Variants in SLC14A2 observed in about 807,000 individuals in gnomAD.
SLC14A2 encodes the protein solute carrier family 14 member 2.
SLC14A2 carries 91 observed loss-of-function variants against 104.6 expected under a neutral mutation model. The ratio of observed to expected loss-of-function variants is 0.87; its 90% CI spans 0.73 to 1.04. The LOEUF (loss-of-function observed/expected upper bound fraction) is 1.04, where lower values mean the gene tolerates loss of function less well. SLC14A2 is among the 50% of genes least tolerant of loss of function. The pLI is 0.00. For missense variants in SLC14A2, 1,189 were observed against 1,156.0 expected (o/e 1.03, Z -0.41); for synonymous variants, 476 against 466.4 (o/e 1.02, Z -0.27).
At chr18:45,635,684 A>G (rs2045407617) in intron 5 of SLC14A2, among the ~76,000 whole-genome samples, 1 of 152,250 alleles carries the variant, frequency 6.6e-6, no homozygotes, top group African/African-American at 2.4e-5. Context: ...GAAGGGGAGC[A>G]GAGAAACGGA....
intron 10 of SLC14A2, chr18:45,647,671 G>A (rs992191664): frequency 1.3e-5 from 2 of 152,134 alleles, no homozygotes; most frequent in Non-Finnish European, 2.9e-5. Context: ...TAGAATAAAG[G>A]AGTCTACATT....
At chr18:45,209,990 G>A (rs890806697), upstream of SLC14A2, among the ~76,000 whole-genome samples, 2 of 152,196 alleles carry the variant, frequency 1.3e-5, no homozygotes, top group East Asian at 3.8e-4. Flanking sequence ...CAAATGGGAT[G>A]GAGAAAGCCC....
chr18:45,626,821 C>A, intron 3 of SLC14A2, 137 bp from the exon 4 acceptor site: 2 of 439,268 alleles, frequency 4.6e-6, no homozygotes, highest in Non-Finnish European at 8.3e-6. Flanking sequence ...CACCCCTCCA[C>A]CCCGACCCCT....
At chr18:45,311,184 G>A (rs185240645) in intron 1 of SLC14A2, among the ~76,000 whole-genome samples, 99 of 152,318 alleles carry the variant, frequency 6.5e-4, no homozygotes, top group African/African-American at 2.3e-3. Context: ...AGTTCATGGT[G>A]GGGAGTAGCA....
At chr18:45,364,730 G>A (rs968724244) in intron 1 of SLC14A2, among the ~76,000 whole-genome samples, 3 of 152,138 alleles carry the variant, frequency 2.0e-5, no homozygotes, top group African/African-American at 7.2e-5. Context: ...AATAGTGCTT[G>A]GCACCTAGCA....
chr18:45,670,176 G>A (rs981454715), intron 16 of SLC14A2, among the ~76,000 whole-genome samples: 6 of 133,094 alleles, frequency 4.5e-5, no homozygotes, highest in African/African-American at 7.6e-5. Context: ...GCTTCTCAGT[G>A]TAAACTCAGG....
chr18:45,228,536 A>C (rs899893471), intron 1 of SLC14A2, among the ~76,000 whole-genome samples: 1 of 152,138 alleles, frequency 6.6e-6, no homozygotes, highest in African/African-American at 2.4e-5. Flanking sequence ...GACTGCCACA[A>C]ACTCGGGACA....
At chr18:45,575,245 G>T (rs1159040248) in intron 2 of SLC14A2, among the ~76,000 whole-genome samples, 1 of 152,104 alleles carries the variant, frequency 6.6e-6, no homozygotes, top group African/African-American at 2.4e-5. Context: ...CAGTGAGTCT[G>T]GATTTCACTA....
chr18:45,314,902 T>C (rs2085113818), intron 1 of SLC14A2, among the ~76,000 whole-genome samples: 1 of 152,236 alleles, frequency 6.6e-6, no homozygotes, highest in Admixed American at 6.5e-5. Context: ...TTCTGATGCA[T>C]CACAAATTAA....
chr18:45,173,200 G>C, the SLC14A2 span, among the ~76,000 whole-genome samples: 2 of 152,126 alleles, frequency 1.3e-5, no homozygotes, highest in Non-Finnish European at 2.9e-5. Flanking sequence ...GTGGGAGATG[G>C]AGCTGGAAGA....
intron 2 of SLC14A2, among the ~76,000 whole-genome samples, chr18:45,568,707 C>A (rs1393454480): frequency 6.6e-6 from 1 of 152,184 alleles, no homozygotes; most frequent in African/African-American, 2.4e-5. Flanking sequence ...CCCTGAATGA[C>A]AATACGAAGT....
intron 1 of SLC14A2, among the ~76,000 whole-genome samples, chr18:45,434,057 G>A (rs1288310428): frequency 6.6e-6 from 1 of 152,042 alleles, no homozygotes; most frequent in Non-Finnish European, 1.5e-5. Flanking sequence ...GGTTCTTCTG[G>A]GTTTAGGAGA....
chr18:45,626,885 G>A, intron 3 of SLC14A2, 73 bp from the exon 4 acceptor site: 1 of 1,116,742 alleles, frequency 9.0e-7, no homozygotes, highest in East Asian at 4.6e-5. Context: ...TGCCTTGGTT[G>A]CCATGCCAAC....
chr18:45,418,267 A>T (rs1329470823), intron 1 of SLC14A2, among the ~76,000 whole-genome samples: 1 of 152,216 alleles, frequency 6.6e-6, no homozygotes, highest in Non-Finnish European at 1.5e-5. Flanking sequence ...GGGAGACGAG[A>T]CATAAAGAAC....
At chr18:45,247,261 ATTCT>A (rs1173744294) in intron 1 of SLC14A2, among the ~76,000 whole-genome samples, 2 of 152,232 alleles carry the variant, frequency 1.3e-5, no homozygotes, top group East Asian at 3.8e-4. Context: ...TCAAAATTTG[ATTCT>A]TTCTTTAGAA....
At chr18:45,583,631 C>G (rs976895443) in intron 2 of SLC14A2, among the ~76,000 whole-genome samples, 1 of 152,156 alleles carries the variant, frequency 6.6e-6, no homozygotes, top group African/African-American at 2.4e-5. Context: ...GCACCCAAAA[C>G]TCCCACACTC....
chr18:45,445,824 C>T (rs1015779985), intron 1 of SLC14A2, among the ~76,000 whole-genome samples: 2 of 152,060 alleles, frequency 1.3e-5, no homozygotes, highest in Non-Finnish European at 2.9e-5. Context: ...CTGTAGTGTG[C>T]CTAAAATTCC....
intron 17 of SLC14A2, 86 bp from the exon 18 acceptor site, chr18:45,673,597 C>A: frequency 6.9e-7 from 1 of 1,459,412 alleles, no homozygotes; most frequent in Non-Finnish European, 9.4e-7. Context: ...TGGCTCCGGG[C>A]TTTGAGGACT....
At chr18:45,364,459 G>A (rs1454544117) in intron 1 of SLC14A2, among the ~76,000 whole-genome samples, 1 of 152,152 alleles carries the variant, frequency 6.6e-6, no homozygotes, top group Non-Finnish European at 1.5e-5. Context: ...TTCCTCTGTA[G>A]TATGTACTAT....
Sources: allele counts gnomAD v4.1 joint callset (sites outside exome capture counted in the v4.1 genomes callset), GRCh38; gene constraint gnomAD v4.1.1; transcripts MANE v1.5; gene names NCBI Gene and HGNC (gene_info 2026-07-23, HGNC 2026-07-21).